Variants in P3H2 observed in about 807,000 individuals in gnomAD.
P3H2 encodes the protein prolyl 3-hydroxylase 2.
Under a neutral mutation model 87.0 loss-of-function variants are expected in P3H2, and 80 were observed. That is an observed-to-expected ratio of 0.92 (90% CI 0.77 to 1.11). The LOEUF is 1.11. Among genes scored for constraint, P3H2 ranks in the 50% least tolerant of loss-of-function variants. P3H2 has a pLI of 0.00. For synonymous variants in P3H2, 367 were observed against 359.3 expected (o/e 1.02, Z -0.24); for missense variants, 1,001 against 923.9 (o/e 1.08, Z -1.08).
chr3:190,111,558 G>T (rs1397521765), intron 1 of P3H2, among the ~76,000 whole-genome samples: 1 of 152,102 alleles, frequency 6.6e-6, no homozygotes, highest in Non-Finnish European at 1.5e-5. Context: ...ATCAGTCAAA[G>T]GGGCTCTATT....
intron 1 of P3H2, among the ~76,000 whole-genome samples, chr3:190,095,597 CT>C (rs68094675): frequency 0.14 from 18,033 of 131,776 alleles, 1,213 homozygotes; most frequent in Middle Eastern, 0.23. Flanking sequence ...GTTGTGATTC[CT>C]TTTTTTTTTT....
At chr3:190,029,086 G>A (rs1421253941) in intron 1 of P3H2, among the ~76,000 whole-genome samples, 2 of 152,114 alleles carry the variant, frequency 1.3e-5, no homozygotes, top group Non-Finnish European at 2.9e-5. Flanking sequence ...CTAGTGTTCC[G>A]GCCTGAGGTT....
intron 1 of P3H2, among the ~76,000 whole-genome samples, chr3:190,090,053 C>G (rs1727358849): frequency 6.6e-6 from 1 of 152,090 alleles, no homozygotes; most frequent in Non-Finnish European, 1.5e-5. Flanking sequence ...TGAATCTTCT[C>G]TGTAGGTAGA....
intron 1 of P3H2, 31 bp from the exon 2 acceptor site, chr3:189,995,473 G>T: frequency 6.2e-7 from 1 of 1,604,790 alleles, no homozygotes; most frequent in Non-Finnish European, 8.5e-7. Flanking sequence ...CCAAAATGAA[G>T]GCAAATATTT....
At chr3:189,979,359 C>T (rs143845428) in intron 8 of P3H2, among the ~76,000 whole-genome samples, 2 of 152,054 alleles carry the variant, frequency 1.3e-5, no homozygotes, top group Admixed American at 6.5e-5. Flanking sequence ...ACCCAGGAGG[C>T]AGAGGTTGCA....
intron 1 of P3H2, among the ~76,000 whole-genome samples, chr3:190,065,946 T>G (rs1030735819): frequency 2.6e-5 from 4 of 152,128 alleles, no homozygotes; most frequent in Non-Finnish European, 5.9e-5. Flanking sequence ...ATTTCCATCT[T>G]GATTTCATTG....
At chr3:190,101,468 AT>A (rs202041944) in intron 1 of P3H2, among the ~76,000 whole-genome samples, 2,430 of 150,942 alleles carry the variant, frequency 0.016, 68 homozygotes, top group African/African-American at 0.056. Context: ...TACTGCTGAT[AT>A]GGAGAAAGCT....
At chr3:189,973,724 C>A (rs1419182939) in intron 10 of P3H2, among the ~76,000 whole-genome samples, 185 bp downstream of exon 10, 1 of 151,806 alleles carries the variant, frequency 6.6e-6, no homozygotes, top group Non-Finnish European at 1.5e-5. Flanking sequence ...CGGGGTTTCA[C>A]CATGTTAGCC....
chr3:189,982,071 GA>G (rs1217318371), intron 8 of P3H2, among the ~76,000 whole-genome samples: 2 of 152,198 alleles, frequency 1.3e-5, no homozygotes, highest in African/African-American at 4.8e-5. Context: ...GCAGCACTTT[GA>G]AAGCCTCTTG....
At chr3:190,003,760 G>A (rs929749540) in intron 1 of P3H2, among the ~76,000 whole-genome samples, 1 of 152,156 alleles carries the variant, frequency 6.6e-6, no homozygotes, top group African/African-American at 2.4e-5. Context: ...CTAGGACAGG[G>A]TAAGACTGAA....
intron 1 of P3H2, among the ~76,000 whole-genome samples, chr3:190,058,876 T>C (rs760106128): frequency 6.6e-6 from 1 of 152,198 alleles, no homozygotes; most frequent in Non-Finnish European, 1.5e-5. Context: ...AGAAAACAAC[T>C]GATTTTTGCT....
rs770165435 is a variant in P3H2 at position 190,019,780 on chromosome 3, T to TAAA, written c.481-24341_481-24339dup. Among the ~76,000 whole-genome samples the TAAA allele has an allele frequency of 4.2e-4, 24 of 57,216 alleles. 2 individuals carry two copies. The East Asian group carries it at 7.2e-3, about 17-fold the overall frequency. The allele number at this position is 57,216 out of a possible 152,430, so 37.5% of individuals were successfully genotyped here. The stretch of plus-strand genomic sequence containing the variant: ...AATCCATGTGACATTACCTAGAAAT[T>TAAA]AAAAAATATATATATATATATATAT... On this transcript the variant is annotated intron_variant, in intron 1 of 14. Transcript: ENST00000319332.
chr3:190,080,236 G>A (rs1726998473), intron 1 of P3H2, among the ~76,000 whole-genome samples: 1 of 152,140 alleles, frequency 6.6e-6, no homozygotes, highest in Non-Finnish European at 1.5e-5. Flanking sequence ...GATTGGAGTT[G>A]GATAACAAGA....
At chr3:190,067,816 A>G (rs1171626278) in intron 1 of P3H2, among the ~76,000 whole-genome samples, 1 of 152,196 alleles carries the variant, frequency 6.6e-6, no homozygotes, top group African/African-American at 2.4e-5. Flanking sequence ...CAATAAAAAG[A>G]TAAAATATTG....
chr3:190,024,161 TATCA>T (rs1277530137), intron 1 of P3H2, among the ~76,000 whole-genome samples: 1 of 152,182 alleles, frequency 6.6e-6, no homozygotes, highest in Non-Finnish European at 1.5e-5. Flanking sequence ...TTAAAATATC[TATCA>T]GAGTACACAT....
chr3:190,077,334 C>T (rs1020990110), intron 1 of P3H2, among the ~76,000 whole-genome samples: 1 of 152,182 alleles, frequency 6.6e-6, no homozygotes, highest in African/African-American at 2.4e-5. Flanking sequence ...AAAAACCTTC[C>T]CTGTAATCAA....
At chr3:190,103,383 A>T (rs1711705632) in intron 1 of P3H2, among the ~76,000 whole-genome samples, 1 of 152,268 alleles carries the variant, frequency 6.6e-6, no homozygotes, top group Non-Finnish European at 1.5e-5. Flanking sequence ...TATCAGACTT[A>T]ATCTGGGACA....
At chr3:190,063,715 T>C (rs1219836508) in intron 1 of P3H2, among the ~76,000 whole-genome samples, 1 of 152,052 alleles carries the variant, frequency 6.6e-6, no homozygotes, top group African/African-American at 2.4e-5. Flanking sequence ...TGTTTATTTT[T>C]GGAGTGAGTG....
chr3:189,977,367 C>G (rs115548074), intron 8 of P3H2, among the ~76,000 whole-genome samples: 1 of 152,246 alleles, frequency 6.6e-6, no homozygotes, highest in African/African-American at 2.4e-5. Context: ...GAATAGAGGG[C>G]GTCCTCCAGC....
Sources: gnomAD v4.1 joint callset for allele counts (sites outside exome capture counted in the v4.1 genomes callset) on GRCh38, gnomAD v4.1.1 for gene constraint, MANE v1.5 for transcripts, NCBI Gene and HGNC (gene_info 2026-07-23, HGNC 2026-07-21) for gene names.